USP38: variants seen among roughly 807,000 people sequenced by gnomAD.
USP38 encodes the protein ubiquitin carboxyl-terminal hydrolase 38.
Under a neutral mutation model 94.3 loss-of-function variants are expected in USP38, and 49 were observed. The ratio of observed to expected loss-of-function variants is 0.52; its 90% CI spans 0.41 to 0.66. The LOEUF (loss-of-function observed/expected upper bound fraction) is 0.66. Among genes scored for constraint, USP38 ranks in the 30% least tolerant of loss-of-function variants. The probability of loss-of-function intolerance (pLI) is 0.00; values close to 1 mark genes in which losing one functional copy is unlikely to be tolerated. For missense variants in USP38, 1,128 were observed against 1,229.4 expected (o/e 0.92, Z 1.23); for synonymous variants, 468 against 463.6 (o/e 1.01, Z -0.12).
chr4:143,198,020 A>G lies in USP38; in HGVS notation c.1050+96A>G, dbSNP rs183161476. On this transcript the variant is annotated intron_variant, in intron 4 of 9. Coordinates refer to ENST00000307017, the MANE Select transcript of USP38 (RefSeq NM_032557.6). Reference sequence around the variant, plus strand: ...ATTTTTATGTAGTGAAAATATTGCAAGTTAGTCCCAAATCTGTTTTCATAT... The same window carrying G: ...ATTTTTATGTAGTGAAAATATTGCAGGTTAGTCCCAAATCTGTTTTCATAT... 7.6e-4 allele frequency: 585 copies of G among 768,672 alleles called. 3 individuals are homozygous for G. The African/African-American group carries it at 9.8e-3, about 13-fold the overall frequency. The allele number at this position is 768,672 out of a possible 1,614,324, so 47.6% of individuals were successfully genotyped here. A position where few individuals can be genotyped will look rare whatever the true frequency, so the allele number is the denominator to read the frequency against.
At chr4:143,193,194 G>GT (rs1731447796) in intron 2 of USP38, among the ~76,000 whole-genome samples, 1 of 150,696 alleles carries the variant, frequency 6.6e-6, no homozygotes, top group Admixed American at 6.6e-5. Context: ...AACTAAAATT[G>GT]TTTTTTAAAA....
chr4:143,214,174 G>T lies in USP38; in HGVS notation c.2198G>T (p.Gly733Val). The T allele has an allele frequency of 6.2e-7, 1 of 1,613,352 alleles. No homozygotes were observed. Among genetic ancestry groups the T allele is most frequent in the Non-Finnish European group, 8.5e-7 (1 of 1,179,764 alleles). The part of the protein sequence containing the change: ...NYFLAPEILT[G>V]DNQYYCENCA... Reference sequence around the variant, plus strand: ...TTTTTGGCTCCAGAGATTCTTACTGGTGATAACCAATATTATTGTGAAAAC... The same window carrying T: ...TTTTTGGCTCCAGAGATTCTTACTGTTGATAACCAATATTATTGTGAAAAC... Residue 733 changes from glycine to valine, a missense_variant, in exon 9 of 10, where the codon GGT becomes GTT. Physicochemically the swap from Gly to Val is moderately radical, Grantham distance 109. Transcript: ENST00000307017.
chr4:143,185,597 C>A lies in USP38; in HGVS notation c.147C>A (p.Ile49=). Residue 49 remains isoleucine, a synonymous_variant, in exon 1 of 10, where the codon ATC becomes ATA. Coordinates refer to ENST00000307017, the MANE Select transcript of USP38 (RefSeq NM_032557.6). ...TGTTTGACCTGACGACCCGGCTCATCCTGGAGGGCCAGGACCCTTTCCAGC... is the reference window on the plus strand; with the variant it reads ...TGTTTGACCTGACGACCCGGCTCATACTGGAGGGCCAGGACCCTTTCCAGC... ...EAMFDLTTRL[I]LEGQDPFQRQ... The A allele has an allele frequency of 6.2e-7, 1 of 1,614,176 alleles. No homozygotes were observed. The highest frequency in any genetic ancestry group is 1.1e-5 in the South Asian group (1 of 91,082).
chr4:143,186,257 A>G (rs1480166416), intron 1 of USP38, 125 bp downstream of exon 1: 3 of 926,722 alleles, frequency 3.2e-6, no homozygotes, highest in Non-Finnish European at 4.9e-6. Flanking sequence ...AAATCCTAAT[A>G]CCTCATCCCA....
chr4:143,213,762 A>T lies in USP38; in HGVS notation c.1786A>T (p.Thr596Ser), dbSNP rs762819943. The T allele has an allele frequency of 2.5e-6, 4 of 1,613,740 alleles. No homozygotes were observed. In the South Asian group the frequency reaches 4.4e-5, roughly 18 times the overall value. The change falls in exon 9 of 10, where the codon ACT becomes TCT. Residue 596 changes from threonine (T) to serine (S), a missense_variant. Coordinates refer to ENST00000307017, the MANE Select transcript of USP38 (RefSeq NM_032557.6). ...IEKMFGGKLRTHIRCLNCRST... is the reference protein window; with the variant it reads ...IEKMFGGKLRSHIRCLNCRST... ...AAAAATGTTTGGAGGAAAACTACGA[A>T]CTCACATACGTTGTTTGAACTGCAG...
At chr4:143,208,719 T>C (rs1296985960) in intron 6 of USP38, among the ~76,000 whole-genome samples, 1 of 152,070 alleles carries the variant, frequency 6.6e-6, no homozygotes, top group African/African-American at 2.4e-5. Flanking sequence ...GCTACATGCT[T>C]TTTTCAAGGC....
chr4:143,214,047 A>T lies in USP38; in HGVS notation c.2071A>T (p.Thr691Ser), dbSNP rs761499500. 5 of 1,613,648 alleles carry T rather than the reference A, an allele frequency of 3.1e-6. No individual in the cohort carries two copies. In the East Asian group the frequency reaches 8.9e-5, roughly 29 times the overall value. The change falls in exon 9 of 10, where the codon ACT becomes TCT. Residue 691 changes from threonine to serine, a missense_variant. Physicochemically the swap from Thr to Ser is moderately conservative, Grantham distance 58. Coordinates refer to ENST00000307017, the MANE Select transcript of USP38 (RefSeq NM_032557.6). Reference sequence around the variant, plus strand: ...TAATGAGTTTTACTGTTCTGAAAACACTTCTGTCCCTAACGAATCTAACAA... The same window carrying T: ...TAATGAGTTTTACTGTTCTGAAAACTCTTCTGTCCCTAACGAATCTAACAA... ...PPNEFYCSEN[T>S]SVPNESNKIL...
chr4:143,207,900 A>AT (rs914885690), intron 6 of USP38, among the ~76,000 whole-genome samples: 115 of 152,234 alleles, frequency 7.6e-4, no homozygotes, highest in African/African-American at 2.6e-3. Context: ...AGCATATTTT[A>AT]TTTCTTAAGT....
chr4:143,207,284 A>G (rs1374203412), intron 6 of USP38, among the ~76,000 whole-genome samples: 8 of 152,216 alleles, frequency 5.3e-5, no homozygotes, highest in African/African-American at 1.9e-4. Flanking sequence ...TTGCGCCTGT[A>G]ATCCCAGCAC....
chr4:143,204,055 C>T (rs958400053), intron 5 of USP38, among the ~76,000 whole-genome samples: 2 of 151,548 alleles, frequency 1.3e-5, no homozygotes, highest in Non-Finnish European at 2.9e-5. Context: ...CATTTCTGCT[C>T]ACTGCAACCT....
At chr4:143,189,001 A>G (rs1731313542) in intron 2 of USP38, among the ~76,000 whole-genome samples, 1 of 152,080 alleles carries the variant, frequency 6.6e-6, no homozygotes, top group Non-Finnish European at 1.5e-5. Flanking sequence ...AAAATAATTT[A>G]GTATGTTAGA....
intron 2 of USP38, among the ~76,000 whole-genome samples, chr4:143,188,596 G>T (rs1021477119): frequency 6.6e-6 from 1 of 151,966 alleles, no homozygotes; most frequent in African/African-American, 2.4e-5. Context: ...TTGATGTTCT[G>T]TAATTTTATT....
rs774148021 is a variant in USP38, at chr4:143,185,719, A to G, written c.269A>G (p.His90Arg). The G allele has an allele frequency of 1.2e-6, 2 of 1,613,990 alleles. No individual in the cohort carries two copies. Among genetic ancestry groups the G allele is most frequent in the African/African-American group, 1.3e-5 (1 of 74,898 alleles). ...FNKTFVLGLL[H>R]QGYHSLDRKD... is the part of the protein sequence containing the mutation. ...AAGACCTTCGTGTTGGGCCTCCTTC[A>G]TCAGGGCTACCACTCTCTGGACAGG... The change falls in exon 1 of 10, where the codon CAT (histidine) becomes CGT (arginine). Residue 90 changes from histidine to arginine, a missense_variant. His to Arg is a conservative substitution (Grantham distance 29). Transcript: ENST00000307017.
chr4:143,187,808 T>C lies in USP38; in HGVS notation c.683-18T>C. The C allele has an allele frequency of 2.5e-6, 4 of 1,599,298 alleles. No homozygotes were observed. The highest frequency in any genetic ancestry group is 3.4e-6 in the Non-Finnish European group (4 of 1,175,226). ...ACCTACTTGCCATGTTCCCTTTTCTTTTTAATTGAAAAAACAGATGCATCA... is the reference window on the plus strand; with the variant it reads ...ACCTACTTGCCATGTTCCCTTTTCTCTTTAATTGAAAAAACAGATGCATCA... On this transcript the variant is annotated intron_variant, in intron 1 of 9. Transcript: ENST00000307017.
intron 4 of USP38, among the ~76,000 whole-genome samples, chr4:143,198,469 T>C (rs1348693641): frequency 2.0e-5 from 3 of 152,166 alleles, no homozygotes; most frequent in East Asian, 3.8e-4. Context: ...CATTTACCAC[T>C]CTAGGGCATC....
chr4:143,204,095 C>A lies in USP38; in HGVS notation c.1209+529C>A, dbSNP rs183269417. On this transcript the variant is annotated intron_variant, in intron 5 of 9. Transcript: ENST00000307017. ...CTCCTGGATTCAAGCGATTCTTCCG[C>A]CTCAGCCTCCTGAATAGCTGGGACT... Among the ~76,000 whole-genome samples the A allele has an allele frequency of 1.7e-4, 26 of 152,166 alleles. No individual in the cohort carries two copies. The East Asian group carries it at 4.6e-3, about 27-fold the overall frequency.
Position 143,214,262 on chromosome 4 carries a change from T to G in USP38, c.2286T>G (p.Ile762Met), listed in dbSNP as rs1732118821. The G allele has an allele frequency of 4.3e-6, 7 of 1,613,490 alleles. No individual in the cohort carries two copies. Among genetic ancestry groups the G allele is most frequent in the Non-Finnish European group, 5.9e-6 (7 of 1,179,774 alleles). Residue 762 changes from isoleucine (I) to methionine (M), a missense_variant, in exon 9 of 10, where the codon ATT (isoleucine) becomes ATG (methionine). Ile to Met is a conservative substitution (Grantham distance 10). Coordinates refer to ENST00000307017, the MANE Select transcript of USP38 (RefSeq NM_032557.6). The part of the protein sequence containing the change: ...MQITEEPEYL[I>M]LTLLRFSYDQ... ...TCACGGAGGAACCTGAATACCTTAT[T>G]CTTACTCTCCTGAGATTTTCATATG...
At chr4:143,217,763 C>T (rs1423976350) in intron 9 of USP38, among the ~76,000 whole-genome samples, 1 of 152,046 alleles carries the variant, frequency 6.6e-6, no homozygotes, top group Non-Finnish European at 1.5e-5. Flanking sequence ...TGGCAAGATC[C>T]GTGGTTTTGA....
At chr4:143,197,450 GT>G (rs1279602491) in intron 3 of USP38, among the ~76,000 whole-genome samples, 1 of 151,946 alleles carries the variant, frequency 6.6e-6, no homozygotes, top group East Asian at 1.9e-4. Flanking sequence ...ATGGTTTTTT[GT>G]TTTTTTAATC....
Sources: allele counts gnomAD v4.1 joint callset (sites outside exome capture counted in the v4.1 genomes callset), GRCh38; gene constraint gnomAD v4.1.1; transcripts MANE v1.5; gene names NCBI Gene and HGNC (gene_info 2026-07-23, HGNC 2026-07-21).